Variants in ARPIN observed in about 807,000 individuals in gnomAD.
The protein encoded by ARPIN is UPF0552 protein C15orf38.
In ARPIN, 23 loss-of-function variants were observed where a neutral mutation model predicts 25.9. The observed-to-expected ratio is 0.89, with a 90% CI of 0.64 to 1.26. The LOEUF is 1.26. Ranked by LOEUF, ARPIN falls within the 50% of genes most tolerant of loss-of-function variation. The probability of loss-of-function intolerance (pLI) is 0.00; values close to 1 mark genes in which losing one functional copy is unlikely to be tolerated. For missense variants in ARPIN, 333 were observed against 312.2 expected (o/e 1.07, Z -0.50); for synonymous variants, 126 against 131.4 (o/e 0.96, Z 0.28).
intron 3 of ARPIN, among the ~76,000 whole-genome samples, chr15:89,906,458 A>G (rs1288426264): frequency 6.6e-6 from 1 of 152,048 alleles, no homozygotes; most frequent in East Asian, 1.9e-4. Context: ...ATCTTTCAGG[A>G]TTCAGTCCTG....
intron 3 of ARPIN, 150 bp downstream of exon 3, chr15:89,908,130 G>A (rs1285765163): frequency 1.5e-6 from 2 of 1,308,200 alleles, no homozygotes; most frequent in East Asian, 2.6e-5. Context: ...GCAAGGCCAG[G>A]GGTGGATGTG....
chr15:89,908,087 G>C (rs1272531041), intron 3 of ARPIN, among the ~76,000 whole-genome samples, 193 bp downstream of exon 3: 1 of 152,160 alleles, frequency 6.6e-6, no homozygotes, highest in East Asian at 1.9e-4. Flanking sequence ...GGAATGGAGG[G>C]GAGGGAACGG....
intron 1 of ARPIN, 77 bp downstream of exon 1, chr15:89,912,667 A>ACCCC: frequency 2.3e-6 from 1 of 443,620 alleles, no homozygotes; most frequent in South Asian, 4.4e-5. Context: ...CCCGCATCCC[A>ACCCC]CCCCCCCACC....
chr15:89,898,381 C>T lies in ARPIN; in HGVS notation c.*3414G>A, dbSNP rs1896963629. ...GCCCCTCCATGGGACCAACACAGCC[C>T]TTCCCAAACTGTTTCTCACAACAGC... On this transcript the variant is annotated 3_prime_UTR_variant, in exon 6 of 6. Coordinates refer to ENST00000357484, the MANE Select transcript of ARPIN (RefSeq NM_182616.4). 1 of 152,190 alleles carries T rather than the reference C, an allele frequency of 6.6e-6. No homozygotes were observed. Among genetic ancestry groups the T allele is most frequent in the African/African-American group, 2.4e-5 (1 of 41,432 alleles). The allele number at this position is 152,190 out of a possible 1,614,324, so 9.4% of individuals were successfully genotyped here.
intron 5 of ARPIN, chr15:89,902,830 GC>G: frequency 8.7e-7 from 1 of 1,149,674 alleles, no homozygotes; most frequent in South Asian, 2.1e-5. Context: ...GACACTTCAG[GC>G]AAGGAGCCCA....
At position 89,896,333 on chromosome 15, in the gene ARPIN, C is replaced by T. The variant is rs1229776648; in HGVS notation, c.*5462G>A. The T allele has an allele frequency of 6.6e-6, 1 of 152,178 alleles. No homozygotes were observed. Among genetic ancestry groups the T allele is most frequent in the Non-Finnish European group, 1.5e-5 (1 of 68,034 alleles). The allele number at this position is 152,178 out of a possible 1,614,324, so 9.4% of individuals were successfully genotyped here. ...TAGCTCTGCCAACTATGAAAACCTA[C>T]TTTGATGGTTCAAATTGTAATTATA... is the stretch of plus-strand genomic sequence containing the variant. On this transcript the variant is annotated 3_prime_UTR_variant, in exon 6 of 6. Coordinates refer to ENST00000357484, the MANE Select transcript of ARPIN (RefSeq NM_182616.4).
intron 5 of ARPIN, chr15:89,902,762 G>T: frequency 1.4e-6 from 1 of 707,020 alleles, no homozygotes; most frequent in Non-Finnish European, 1.8e-6. Context: ...GAGGATCAAC[G>T]TGGGGACTGA....
intron 3 of ARPIN, among the ~76,000 whole-genome samples, chr15:89,907,078 T>TTACTA (rs200206235): frequency 3.1e-3 from 465 of 150,918 alleles, no homozygotes; most frequent in East Asian, 9.5e-3. Context: ...ATTATTACTA[T>TTACTA]TTTTTTTTGA....
At chr15:89,906,431 C>T (rs2141923025) in intron 3 of ARPIN, among the ~76,000 whole-genome samples, 1 of 152,298 alleles carries the variant, frequency 6.6e-6, no homozygotes, top group African/African-American at 2.4e-5. Context: ...TCCCTGGCAC[C>T]TGGCTGACCT....
At position 89,897,058 on chromosome 15, in the gene ARPIN, AG is replaced by A. The variant is rs1334198167; in HGVS notation, c.*4736del. 1 of 152,212 alleles carries A rather than the reference AG, an allele frequency of 6.6e-6. No individual in the cohort carries two copies. The highest frequency in any genetic ancestry group is 1.5e-5 in the Non-Finnish European group (1 of 68,028). The allele number at this position is 152,212 out of a possible 1,614,324, so 9.4% of individuals were successfully genotyped here. ...AGAAATAACCCAAAAATATAGTTAGAGGTGGGGAATTAAGAGAACTATATAA... is the reference window on the plus strand; with the variant it reads ...AGAAATAACCCAAAAATATAGTTAGAGTGGGGAATTAAGAGAACTATATAA... On this transcript the variant is annotated 3_prime_UTR_variant, in exon 6 of 6. Coordinates refer to ENST00000357484, the MANE Select transcript of ARPIN (RefSeq NM_182616.4).
intron 2 of ARPIN, among the ~76,000 whole-genome samples, chr15:89,909,929 G>T (rs936856148): frequency 5.3e-5 from 8 of 152,152 alleles, no homozygotes; most frequent in African/African-American, 1.9e-4. Context: ...TTTAAGAGGG[G>T]CTAGGAGAAG....
intron 3 of ARPIN, among the ~76,000 whole-genome samples, chr15:89,906,737 C>T (rs1897126565): frequency 6.6e-6 from 1 of 152,078 alleles, no homozygotes; most frequent in Non-Finnish European, 1.5e-5. Flanking sequence ...AACCTTCTCA[C>T]CCAGGGGCAG....
chr15:89,901,402 G>A lies in ARPIN; in HGVS notation c.*393C>T, dbSNP rs1001126378. The A allele has an allele frequency of 1.7e-5, 4 of 241,666 alleles. No individual in the cohort carries two copies. The highest frequency in any genetic ancestry group is 1.2e-4 in the East Asian group (1 of 8,564). The allele number at this position is 241,666 out of a possible 1,614,324, so 15.0% of individuals were successfully genotyped here. A position where few individuals can be genotyped will look rare whatever the true frequency, so the allele number is the denominator to read the frequency against. On this transcript the variant is annotated 3_prime_UTR_variant, in exon 6 of 6. Transcript: ENST00000357484. ...CAGGGCCAGGGTCAACATGAGGCTG[G>A]GTGCAGTGGCTCACGCCTGTAATCC... is the stretch of plus-strand genomic sequence containing the variant.
intron 5 of ARPIN, 26 bp downstream of exon 5, chr15:89,903,190 C>T (rs747210248): frequency 6.2e-7 from 1 of 1,614,178 alleles, no homozygotes; most frequent in East Asian, 2.2e-5. Flanking sequence ...CCAGGAGATA[C>T]AACTGCACCA....
At chr15:89,911,612 A>G (rs1180902649) in intron 1 of ARPIN, among the ~76,000 whole-genome samples, 1 of 152,130 alleles carries the variant, frequency 6.6e-6, no homozygotes, top group Non-Finnish European at 1.5e-5. Context: ...TTTTCTAAAT[A>G]TTTAACTGAC....
At chr15:89,902,261 AGCCAGGCATGGTGGC>A (rs1897034957) in intron 5 of ARPIN, among the ~76,000 whole-genome samples, 2 of 151,972 alleles carry the variant, frequency 1.3e-5, no homozygotes, top group Admixed American at 6.5e-5. Context: ...ATACAAAATT[AGCCAGGCATGGTGGC>A]GCATGCCTGT....
chr15:89,907,007 C>T (rs983929803), intron 3 of ARPIN, among the ~76,000 whole-genome samples: 1 of 151,792 alleles, frequency 6.6e-6, no homozygotes, highest in Non-Finnish European at 1.5e-5. Context: ...GCCTTTCCTC[C>T]ACTGATGGAG....
chr15:89,902,816 T>C, intron 5 of ARPIN: 2 of 1,121,722 alleles, frequency 1.8e-6, no homozygotes, highest in Non-Finnish European at 2.2e-6. Context: ...TCAGCCATTC[T>C]CCAGACACTT....
Position 89,897,639 on chromosome 15 carries a change from T to G in ARPIN, c.*4156A>C, listed in dbSNP as rs1896951079. Reference sequence around the variant, plus strand: ...TCCAGTTTGTACCAGAAAACCCCTATGCAAGTTTACAAAAACCAAAACTAT... The same window carrying G: ...TCCAGTTTGTACCAGAAAACCCCTAGGCAAGTTTACAAAAACCAAAACTAT... On this transcript the variant is annotated 3_prime_UTR_variant, in exon 6 of 6. Transcript: ENST00000357484. The G allele has an allele frequency of 6.6e-6, 1 of 152,204 alleles. No individual in the cohort carries two copies. The highest frequency in any genetic ancestry group is 2.4e-5 in the African/African-American group (1 of 41,464). The allele number at this position is 152,204 out of a possible 1,614,324, so 9.4% of individuals were successfully genotyped here. A position where few individuals can be genotyped will look rare whatever the true frequency, so the allele number is the denominator to read the frequency against.
Sources: gnomAD v4.1 joint callset for allele counts (sites outside exome capture counted in the v4.1 genomes callset) on GRCh38, gnomAD v4.1.1 for gene constraint, MANE v1.5 for transcripts, NCBI Gene and HGNC (gene_info 2026-07-23, HGNC 2026-07-21) for gene names.